The following ROBO2 variants were observed in gnomAD, a reference collection of about 807,000 sequenced individuals.
ROBO2 encodes the protein roundabout homolog 2.
In ROBO2, 53 loss-of-function variants were observed where a neutral mutation model predicts 160.8. The observed-to-expected ratio is 0.33, with a 90% CI of 0.26 to 0.41. The LOEUF is 0.41. Ranked by LOEUF, ROBO2 falls within the 10% of genes least tolerant of loss-of-function variation. ROBO2 has a pLI of 1.00. For synonymous variants in ROBO2, 664 were observed against 611.7 expected (o/e 1.09, Z -1.26); for missense variants, 1,577 against 1,722.4 (o/e 0.92, Z 1.49).
intron 2 of ROBO2, among the ~76,000 whole-genome samples, chr3:77,151,965 C>T (rs1040772054): frequency 1.3e-5 from 2 of 152,156 alleles, no homozygotes; most frequent in Admixed American, 6.5e-5. Flanking sequence ...CTAGTACACA[C>T]TTTCTACTAC....
chr3:76,579,513 C>A (rs1315355032), intron 2 of ROBO2, among the ~76,000 whole-genome samples: 2 of 151,972 alleles, frequency 1.3e-5, no homozygotes, highest in South Asian at 2.1e-4. Context: ...AAGGAAACTT[C>A]CACAACTAAT....
intron 2 of ROBO2, among the ~76,000 whole-genome samples, chr3:76,120,993 A>C (rs1228557684): frequency 2.0e-5 from 3 of 152,142 alleles, no homozygotes; most frequent in African/African-American, 7.2e-5. Flanking sequence ...TTTTTTGAGG[A>C]GTCTAATTGA....
At chr3:76,168,369 G>A (rs370180513) in intron 2 of ROBO2, among the ~76,000 whole-genome samples, 12 of 152,000 alleles carry the variant, frequency 7.9e-5, no homozygotes, top group East Asian at 3.9e-4. Flanking sequence ...CTATATTTTC[G>A]TCTGTTTATT....
intron 2 of ROBO2, among the ~76,000 whole-genome samples, chr3:76,291,970 G>A (rs1455344772): frequency 6.6e-6 from 1 of 152,028 alleles, no homozygotes; most frequent in Non-Finnish European, 1.5e-5. Context: ...ATGTGCAGAT[G>A]AGAAGTATGT....
chr3:77,612,985 A>T (rs143863473), intron 21 of ROBO2, among the ~76,000 whole-genome samples: 48 of 152,302 alleles, frequency 3.2e-4, no homozygotes, highest in Admixed American at 2.6e-3. Context: ...AAAATTGGTG[A>T]TAACATTAAT....
chr3:77,471,852 G>C (rs73842885), intron 2 of ROBO2, among the ~76,000 whole-genome samples: 24,925 of 152,036 alleles, frequency 0.16, 2,168 homozygotes, highest in South Asian at 0.24. Context: ...AAGAACAAAG[G>C]GTGGCCTGGG....
chr3:77,432,584 C>T (rs1032926035), intron 2 of ROBO2, among the ~76,000 whole-genome samples: 18 of 152,124 alleles, frequency 1.2e-4, no homozygotes, highest in Non-Finnish European at 1.5e-5. Context: ...TATTGGTGCA[C>T]AGCTGTGCTT....
At chr3:76,797,991 T>C (rs192785900) in intron 2 of ROBO2, among the ~76,000 whole-genome samples, 216 of 151,386 alleles carry the variant, frequency 1.4e-3, no homozygotes, top group Admixed American at 2.0e-3. Flanking sequence ...TTCTACCAAA[T>C]ACCAAATCCT....
At chr3:76,714,213 A>G (rs1311663347) in intron 2 of ROBO2, among the ~76,000 whole-genome samples, 1 of 152,104 alleles carries the variant, frequency 6.6e-6, no homozygotes, top group Admixed American at 6.6e-5. Flanking sequence ...CTTTTTAACA[A>G]CTAGATATAA....
intron 2 of ROBO2, among the ~76,000 whole-genome samples, chr3:76,204,872 T>C (rs943600558): frequency 2.1e-4 from 32 of 152,346 alleles, no homozygotes; most frequent in African/African-American, 7.5e-4. Context: ...TTATTAAAGA[T>C]TTGTTTTCTG....
chr3:77,061,190 G>T (rs2149767700), intron 1 of ROBO2, among the ~76,000 whole-genome samples: 1 of 152,234 alleles, frequency 6.6e-6, no homozygotes, highest in East Asian at 1.9e-4. Context: ...AGACATGCAT[G>T]TACATACAGA....
At chr3:76,612,974 A>T (rs567161143) in intron 2 of ROBO2, among the ~76,000 whole-genome samples, 1 of 152,190 alleles carries the variant, frequency 6.6e-6, no homozygotes, top group Non-Finnish European at 1.5e-5. Context: ...GTGTCTTTAT[A>T]GGTGAAGTGC....
rs142396894 is a variant in ROBO2, at chr3:77,451,478, C to T, written c.389-25936C>T. ...TGAGAAGAAAGTAATGCTATTTTAACGAAGGTCCATAGGGTACAGGTATGT... is the reference window on the plus strand; with the variant it reads ...TGAGAAGAAAGTAATGCTATTTTAATGAAGGTCCATAGGGTACAGGTATGT... On this transcript the variant is annotated intron_variant, in intron 2 of 25. Transcript: ENST00000461745. Among the ~76,000 whole-genome samples, 61 of 152,152 alleles carry T rather than the reference C, an allele frequency of 4.0e-4. 1 individual carries two copies. The South Asian group carries it at 7.9e-3, about 20-fold the overall frequency.
At chr3:77,414,165 T>C (rs552664271) in intron 2 of ROBO2, among the ~76,000 whole-genome samples, 1 of 152,132 alleles carries the variant, frequency 6.6e-6, no homozygotes, top group East Asian at 1.9e-4. Flanking sequence ...GTTGGCCAAA[T>C]GAACTAAATA....
chr3:77,021,475 G>T (rs934065014), intron 2 of ROBO2, among the ~76,000 whole-genome samples: 1 of 152,110 alleles, frequency 6.6e-6, no homozygotes, highest in African/African-American at 2.4e-5. Context: ...ATCTGGGTAA[G>T]AGCTGGCCAT....
At chr3:76,227,612 C>T (rs1053817333) in intron 2 of ROBO2, among the ~76,000 whole-genome samples, 6 of 152,100 alleles carry the variant, frequency 3.9e-5, no homozygotes, top group Non-Finnish European at 8.8e-5. Context: ...TTCCTTGAAT[C>T]ACTGTGAAAA....
chr3:77,294,233 C>A (rs1420677767), intron 2 of ROBO2, among the ~76,000 whole-genome samples: 3 of 130,078 alleles, frequency 2.3e-5, no homozygotes, highest in Admixed American at 9.0e-5. Flanking sequence ...CTAGATCACC[C>A]CGGACATAAA....
At position 76,970,432 on chromosome 3, in the gene ROBO2, A is replaced by G. The variant is rs572248113; in HGVS notation, c.110-127582A>G. Among the ~76,000 whole-genome samples the G allele has an allele frequency of 9.2e-5, 14 of 152,308 alleles. No homozygotes were observed. In the South Asian group the frequency reaches 2.9e-3, roughly 32 times the overall value. On this transcript the variant is annotated intron_variant, in intron 2 of 26. Transcript: ENST00000487694. The stretch of plus-strand genomic sequence containing the variant: ...CATACTTGAGAGGTGACCTCACTTC[A>G]TGGTCAAATCAAGTCTAAAAGTACC...
intron 2 of ROBO2, among the ~76,000 whole-genome samples, chr3:77,281,728 A>G (rs1399030532): frequency 6.6e-6 from 1 of 152,188 alleles, no homozygotes; most frequent in African/African-American, 2.4e-5. Flanking sequence ...GGAAGATGAT[A>G]TTTCCATGGA....
Sources: gnomAD v4.1 joint callset for allele counts (sites outside exome capture counted in the v4.1 genomes callset) on GRCh38, gnomAD v4.1.1 for gene constraint, MANE v1.5 for transcripts, NCBI Gene and HGNC (gene_info 2026-07-23, HGNC 2026-07-21) for gene names.